Variants in PLEKHM1 observed in about 807,000 individuals in gnomAD.
PLEKHM1 encodes the protein pleckstrin homology and RUN domain containing M1.
A neutral mutation model predicts 94.3 loss-of-function variants in PLEKHM1; 28 were observed. The observed-to-expected ratio is 0.30, with a 90% confidence interval of 0.22 to 0.41. The LOEUF (loss-of-function observed/expected upper bound fraction) is 0.41, where lower values mean the gene tolerates loss of function less well. PLEKHM1 is among the 10% of genes least tolerant of loss of function. The probability of loss-of-function intolerance (pLI) is 1.00; values close to 1 mark genes in which losing one functional copy is unlikely to be tolerated. For missense variants in PLEKHM1, 907 were observed against 1,358.6 expected (o/e 0.67, Z 5.22); for synonymous variants, 424 against 581.2 (o/e 0.73, Z 3.89).
chr17:45,475,404 G>C lies in PLEKHM1; in HGVS notation c.619C>G (p.Leu207Val). 6.2e-7 allele frequency: 1 copy of C among 1,613,906 alleles called. No individual in the cohort carries two copies. Among genetic ancestry groups the C allele is most frequent in the Non-Finnish European group, 8.5e-7 (1 of 1,179,776 alleles). ...GLCPLSELDP[L>V]STSGAELQRK... Reference sequence around the variant, plus strand: ...TGTAGTTCTGCACCAGAGGTAGAGAGAGGGTCCAGCTCAGAAAGCGGGCAA... The same window carrying C: ...TGTAGTTCTGCACCAGAGGTAGAGACAGGGTCCAGCTCAGAAAGCGGGCAA... Residue 207 changes from leucine (L) to valine (V), a missense_variant, in exon 4 of 12, where the codon CTC becomes GTC. This residue lies in a region of PLEKHM1 where 176 missense variants were observed against 306.0 expected (regional missense o/e 0.58). Transcript: ENST00000430334.
At position 45,475,984 on chromosome 17, in the gene PLEKHM1, C is replaced by A. The variant is rs183816557; in HGVS notation, c.297-258G>T. On this transcript the variant is annotated intron_variant, in intron 3 of 11. Transcript: ENST00000430334. ...GCAACAGGACGAAACTCTGTCTCTA[C>A]AACAACAACATAGCCAGATGTGGTG... The A allele has an allele frequency of 2.9e-3, 1,624 of 563,734 alleles. 11 individuals carry two copies. The highest frequency in any genetic ancestry group is 0.011 in the Middle Eastern group (22 of 2,094). The allele number at this position is 563,734 out of a possible 1,614,324, so 34.9% of individuals were successfully genotyped here. A position where few individuals can be genotyped will look rare whatever the true frequency, so the allele number is the denominator to read the frequency against.
At chr17:45,478,566 T>C (rs1196809299) in intron 2 of PLEKHM1, among the ~76,000 whole-genome samples, 5 of 152,314 alleles carry the variant, frequency 3.3e-5, no homozygotes, top group African/African-American at 1.2e-4. Context: ...GACAAGCTTC[T>C]GTAGAGAATC....
At chr17:45,490,044 T>G (rs1322071286) in intron 1 of PLEKHM1, among the ~76,000 whole-genome samples, 4 of 152,192 alleles carry the variant, frequency 2.6e-5, no homozygotes, top group Non-Finnish European at 5.9e-5. Flanking sequence ...AAGACACAGT[T>G]AAGACTTGGA....
At chr17:45,464,761 T>G (rs140089423) in intron 5 of PLEKHM1, among the ~76,000 whole-genome samples, 5,444 of 152,286 alleles carry the variant, frequency 0.036, 337 homozygotes, top group African/African-American at 0.13. Flanking sequence ...GAGCCTGCCA[T>G]GATCACACCA....
Sources: gnomAD v4.1 joint callset for allele counts (sites outside exome capture counted in the v4.1 genomes callset) on GRCh38, gnomAD v4.1.1 for gene constraint, gnomAD v4.1.1 regional missense constraint, MANE v1.5 for transcripts, NCBI Gene and HGNC (gene_info 2026-07-23, HGNC 2026-07-21) for gene names.